GHRHR: variants seen among roughly 807,000 people sequenced by gnomAD.
The protein encoded by GHRHR is growth hormone-releasing hormone receptor.
In GHRHR, 40 loss-of-function variants were observed where a neutral mutation model predicts 58.3. The ratio of observed to expected loss-of-function variants is 0.69; its 90% CI spans 0.53 to 0.89. The LOEUF is 0.89. GHRHR is among the 40% of genes least tolerant of loss of function. The probability of loss-of-function intolerance (pLI) is 0.00; values close to 1 mark genes in which losing one functional copy is unlikely to be tolerated. For synonymous variants in GHRHR, 249 were observed against 216.6 expected (o/e 1.15, Z -1.31); for missense variants, 551 against 541.3 (o/e 1.02, Z -0.18).
intron 6 of GHRHR, 189 bp downstream of exon 6, chr7:30,972,284 G>T: frequency 1.6e-6 from 1 of 635,074 alleles, no homozygotes; most frequent in South Asian, 1.9e-5. Context: ...TTCCTGGACT[G>T]TGGTGTCGAT....
chr7:30,965,025 G>A lies in GHRHR; in HGVS notation c.57+900G>A, dbSNP rs747209853. Among the ~76,000 whole-genome samples, 52 of 152,280 alleles carry A rather than the reference G, an allele frequency of 3.4e-4. 1 individual carries two copies. The Middle Eastern group carries it at 0.01, about 30-fold the overall frequency. The stretch of plus-strand genomic sequence containing the variant: ...GAATCCTGGACGCATGAAACTAGCC[G>A]TGTGAACTGCAAGTTCCTCAGCCTT... On this transcript the variant is annotated intron_variant, in intron 1 of 12. Coordinates refer to ENST00000326139, the MANE Select transcript of GHRHR (RefSeq NM_000823.4).
At position 30,979,176 on chromosome 7, in the gene GHRHR, T is replaced by G. The variant is rs761620728; in HGVS notation, c.1204T>G (p.Trp402Gly). The G allele has an allele frequency of 1.2e-6, 2 of 1,613,630 alleles. No homozygotes were observed. Among genetic ancestry groups the G allele is most frequent in the Non-Finnish European group, 1.7e-6 (2 of 1,179,526 alleles). The change falls in exon 13 of 13, where the codon TGG (tryptophan) becomes GGG (glycine). Residue 402 changes from tryptophan (W) to glycine (G), a missense_variant. By Grantham distance (184) the Trp-to-Gly change is radical. Transcript: ENST00000326139. ...HGHDPELLPA[W>G]RTRAKWTTPS... ...CCATGACCCTGAGCTTCTGCCAGCCTGGAGGACCCGTGCTAAGTGGACCAC... is the reference window on the plus strand; with the variant it reads ...CCATGACCCTGAGCTTCTGCCAGCCGGGAGGACCCGTGCTAAGTGGACCAC...
chr7:30,979,042 T>G, intron 12 of GHRHR, 77 bp from the exon 13 acceptor site: 1 of 1,391,936 alleles, frequency 7.2e-7, no homozygotes, highest in Non-Finnish European at 1.0e-6. Flanking sequence ...GGCCTCTCCC[T>G]GCACCTTAGT....
At chr7:30,969,525 G>A in intron 3 of GHRHR, 2 of 599,782 alleles carry the variant, frequency 3.3e-6, no homozygotes, top group Middle Eastern at 4.4e-4. Flanking sequence ...GCACTCTGCT[G>A]CTCTGCTTCA....
chr7:30,969,528 C>A (rs1241461466), intron 3 of GHRHR: 21 of 600,030 alleles, frequency 3.5e-5, no homozygotes, highest in Non-Finnish European at 5.9e-5. Flanking sequence ...CTCTGCTGCT[C>A]TGCTTCACTT....
intron 1 of GHRHR, among the ~76,000 whole-genome samples, chr7:30,964,620 T>C (rs542095845): frequency 5.3e-5 from 8 of 152,284 alleles, no homozygotes; most frequent in Non-Finnish European, 8.8e-5. Context: ...GGTGGTTTCC[T>C]TTGAAGAGGG....
chr7:30,972,939 ATG>A (rs1204140024), intron 6 of GHRHR, among the ~76,000 whole-genome samples: 1 of 152,226 alleles, frequency 6.6e-6, no homozygotes, highest in Non-Finnish European at 1.5e-5. Flanking sequence ...CCCTTGAACA[ATG>A]TGGGTTTAGT....
intron 12 of GHRHR, among the ~76,000 whole-genome samples, chr7:30,978,139 C>T (rs559877761): frequency 6.6e-6 from 1 of 152,330 alleles, no homozygotes; most frequent in South Asian, 2.1e-4. Context: ...GTCCCCTTCG[C>T]TGTGGAGTTT....
rs766518509 is a variant in GHRHR, at chr7:30,973,979, C to T, written c.598-6C>T. On this transcript the variant is annotated splice_polypyrimidine_tract_variant and splice_region_variant and intron_variant, in intron 6 of 12. Transcript: ENST00000326139. ...AGCTCTGAAGCACCCAGGTCCTGGC[C>T]CCCAGGTTCTATGCAAGGTCTCTGT... is the stretch of plus-strand genomic sequence containing the variant. 5.0e-6 allele frequency: 8 copies of T among 1,613,126 alleles called. No individual in the cohort carries two copies. In the Admixed American group the frequency reaches 1.2e-4, roughly 24 times the overall value.
chr7:30,971,063 C>G (rs1792471634), intron 4 of GHRHR, 56 bp from the exon 5 acceptor site: 1 of 792,668 alleles, frequency 1.3e-6, no homozygotes, highest in African/African-American at 1.7e-5. Flanking sequence ...TGTCAAGCCT[C>G]TCTTTCCTCC....
intron 6 of GHRHR, among the ~76,000 whole-genome samples, chr7:30,972,457 T>C (rs1792499686): frequency 6.6e-6 from 1 of 152,106 alleles, no homozygotes. Flanking sequence ...GCTGGGTCCC[T>C]CCTTCAGGAA....
chr7:30,970,968 G>C, intron 4 of GHRHR, 151 bp from the exon 5 acceptor site: 1 of 693,832 alleles, frequency 1.4e-6, no homozygotes, highest in Non-Finnish European at 2.6e-6. Context: ...AGTGCACAGG[G>C]GGAGCTTTCC....
chr7:30,968,632 C>CCTTCCTTCCTTCCTT (rs1792407445), intron 1 of GHRHR, among the ~76,000 whole-genome samples: 1 of 109,252 alleles, frequency 9.2e-6, no homozygotes. Flanking sequence ...CTCCCTCCCT[C>CCTTCCTTCCTTCCTT]CCTCCCTCCC....
intron 1 of GHRHR, among the ~76,000 whole-genome samples, chr7:30,967,697 C>A (rs1792386663): frequency 1.3e-5 from 2 of 152,206 alleles, no homozygotes; most frequent in African/African-American, 4.8e-5. Context: ...TGCCTTCCTG[C>A]CTTCCTGCCT....
Position 30,975,765 on chromosome 7 carries a change from C to G in GHRHR, c.883-12C>G. 6.4e-7 allele frequency: 1 copy of G among 1,557,612 alleles called. No homozygotes were observed. The highest frequency in any genetic ancestry group is 8.9e-7 in the Non-Finnish European group (1 of 1,128,578). On this transcript the variant is annotated splice_polypyrimidine_tract_variant and intron_variant, in intron 9 of 12. Coordinates refer to ENST00000326139, the MANE Select transcript of GHRHR (RefSeq NM_000823.4). Reference sequence around the variant, plus strand: ...ACCCTTGTCTTCCACCTTCCTATGCCTCTATTTCCAGGTGAACTTTGGGCT... The same window carrying G: ...ACCCTTGTCTTCCACCTTCCTATGCGTCTATTTCCAGGTGAACTTTGGGCT...
At chr7:30,972,452 G>C (rs575370777) in intron 6 of GHRHR, among the ~76,000 whole-genome samples, 1 of 152,278 alleles carries the variant, frequency 6.6e-6, no homozygotes, top group African/African-American at 2.4e-5. Context: ...GAGGAGCTGG[G>C]TCCCTCCTTC....
Position 30,976,216 on chromosome 7 carries a change from G to A in GHRHR, c.975-213G>A, listed in dbSNP as rs140322604. Among the ~76,000 whole-genome samples, 18 of 152,274 alleles carry A rather than the reference G, an allele frequency of 1.2e-4. No individual in the cohort carries two copies. In the East Asian group the frequency reaches 3.5e-3, roughly 29 times the overall value. ...ACTTTGAAAGATGCATAGACTTTGG[G>A]ATAAACTGGGGCAATAACAGTTGGT... On this transcript the variant is annotated intron_variant, in intron 10 of 12. Transcript: ENST00000326139.
chr7:30,968,790 G>A (rs1361558547), intron 1 of GHRHR, 44 bp from the exon 2 acceptor site: 7 of 1,354,822 alleles, frequency 5.2e-6, no homozygotes, highest in Admixed American at 1.7e-5. Context: ...AGCCCAGAAA[G>A]ACACCCAAAT....
intron 1 of GHRHR, among the ~76,000 whole-genome samples, chr7:30,968,432 G>A (rs906217194): frequency 1.2e-4 from 18 of 152,150 alleles, no homozygotes; most frequent in Non-Finnish European, 2.1e-4. Context: ...GAGACAGAAT[G>A]GAGAAACATC....
Sources: gnomAD v4.1 joint callset for allele counts (sites outside exome capture counted in the v4.1 genomes callset) on GRCh38, gnomAD v4.1.1 for gene constraint, MANE v1.5 for transcripts, NCBI Gene and HGNC (gene_info 2026-07-23, HGNC 2026-07-21) for gene names.